Variants in MAF observed in about 807,000 individuals in gnomAD.
The protein encoded by MAF is MAF bZIP transcription factor, also known as transcription factor Maf.
A neutral mutation model predicts 22.0 loss-of-function variants in MAF; 10 were observed. The ratio of observed to expected loss-of-function variants is 0.45; its 90% CI spans 0.28 to 0.77. MAF has a LOEUF of 0.77. MAF is among the 30% of genes least tolerant of loss of function. The pLI, the probability that MAF is intolerant of heterozygous loss-of-function variation, is 0.12. For synonymous variants in MAF, 337 were observed against 255.8 expected, an observed-to-expected ratio of 1.32 and a Z score of -3.03; for missense variants, 544 against 548.4, an observed-to-expected ratio of 0.99 and a Z score of 0.08.
the MAF span, among the ~76,000 whole-genome samples, chr16:79,538,681 G>A: frequency 6.6e-6 from 1 of 151,918 alleles, no homozygotes; most frequent in Non-Finnish European, 1.5e-5. Context: ...GAAATCACCT[G>A]GGAACATGGT....
chr16:79,427,037 A>C, the MAF span, among the ~76,000 whole-genome samples: 2 of 152,208 alleles, frequency 1.3e-5, no homozygotes, highest in Non-Finnish European at 2.9e-5. Context: ...GCCAAATTGA[A>C]CCATATCTCC....
At chr16:79,448,898 T>G in the MAF span, among the ~76,000 whole-genome samples, 2 of 152,070 alleles carry the variant, frequency 1.3e-5, no homozygotes, top group South Asian at 2.1e-4. Flanking sequence ...CAGGGATGGT[T>G]TGGGGATGCT....
At chr16:79,550,959 G>A in the MAF span, among the ~76,000 whole-genome samples, 8 of 152,116 alleles carry the variant, frequency 5.3e-5, no homozygotes, top group Admixed American at 1.3e-4. Context: ...CCATAGCCAG[G>A]ACCGTGGTTC....
chr16:79,587,941 T>A (rs1912953736), intron 1 of MAF, among the ~76,000 whole-genome samples: 1 of 151,772 alleles, frequency 6.6e-6, no homozygotes, highest in Non-Finnish European at 1.5e-5. Flanking sequence ...TGTGTTCATA[T>A]TACCTTCTTT....
intron 1 of MAF, 175 bp downstream of exon 1, chr16:79,598,610 G>GTGT (rs1555529702): frequency 2.1e-6 from 3 of 1,412,958 alleles, no homozygotes; most frequent in Non-Finnish European, 2.8e-6. Context: ...GTGTGTGTGT[G>GTGT]GTGTGTGCGT....
the MAF span, among the ~76,000 whole-genome samples, chr16:79,302,337 C>G: frequency 6.6e-6 from 1 of 152,190 alleles, no homozygotes; most frequent in Non-Finnish European, 1.5e-5. Context: ...TGCTCTGTCC[C>G]CCACTTGGAG....
the MAF span, among the ~76,000 whole-genome samples, chr16:79,368,887 G>A: frequency 6.6e-6 from 1 of 152,052 alleles, no homozygotes; most frequent in East Asian, 1.9e-4. Flanking sequence ...CTGACTTTCT[G>A]TCTCTTTCTC....
chr16:79,453,665 G>T, the MAF span, among the ~76,000 whole-genome samples: 1 of 152,154 alleles, frequency 6.6e-6, no homozygotes, highest in Non-Finnish European at 1.5e-5. Flanking sequence ...TTTTCTTGCA[G>T]GAAGGATTTC....
At chr16:79,423,779 G>A in the MAF span, among the ~76,000 whole-genome samples, 13 of 152,272 alleles carry the variant, frequency 8.5e-5, no homozygotes, top group East Asian at 1.9e-3. Context: ...ACTGTATTGA[G>A]TTTGAATTTC....
At chr16:79,275,374 T>C in the MAF span, among the ~76,000 whole-genome samples, 4 of 152,196 alleles carry the variant, frequency 2.6e-5, no homozygotes, top group Non-Finnish European at 2.9e-5. Flanking sequence ...GTTAACTATT[T>C]ATTGAGAAGT....
At chr16:79,490,700 A>T in the MAF span, among the ~76,000 whole-genome samples, 55 of 152,358 alleles carry the variant, frequency 3.6e-4, no homozygotes, top group Non-Finnish European at 7.2e-4. Context: ...AAAGTGGTAC[A>T]TAGTACTTTC....
the MAF span, among the ~76,000 whole-genome samples, chr16:79,472,115 C>T: frequency 6.6e-6 from 1 of 152,130 alleles, no homozygotes; most frequent in Non-Finnish European, 1.5e-5. Flanking sequence ...CATATGTAAG[C>T]ATCTAGATCA....
chr16:79,402,723 C>A, the MAF span, among the ~76,000 whole-genome samples: 1 of 152,232 alleles, frequency 6.6e-6, no homozygotes, highest in Non-Finnish European at 1.5e-5. Context: ...CCATGACTGG[C>A]ACCAGACCAA....
At chr16:79,586,255 C>G (rs1433597374) in intron 1 of MAF, among the ~76,000 whole-genome samples, 1 of 152,168 alleles carries the variant, frequency 6.6e-6, no homozygotes, top group Non-Finnish European at 1.5e-5. Flanking sequence ...GTCCTGAGTT[C>G]AAAGGGAGCC....
At chr16:79,557,942 A>C in the MAF span, among the ~76,000 whole-genome samples, 1 of 151,032 alleles carries the variant, frequency 6.6e-6, no homozygotes, top group Non-Finnish European at 1.5e-5. Flanking sequence ...ATTTAAGCCA[A>C]GGCCTGATGG....
chr16:79,527,279 T>C, the MAF span, among the ~76,000 whole-genome samples: 2 of 152,220 alleles, frequency 1.3e-5, no homozygotes, highest in African/African-American at 2.4e-5. Flanking sequence ...ATCTCCTTCA[T>C]TGTCTCCAAA....
At chr16:79,217,473 C>G in the MAF span, among the ~76,000 whole-genome samples, 10 of 152,220 alleles carry the variant, frequency 6.6e-5, no homozygotes, top group African/African-American at 2.4e-4. Flanking sequence ...CCTTACAAAT[C>G]ATTTTTGTAC....
At chr16:79,349,789 GA>G in the MAF span, among the ~76,000 whole-genome samples, 2 of 152,192 alleles carry the variant, frequency 1.3e-5, no homozygotes, top group African/African-American at 4.8e-5. Flanking sequence ...TAGCTAGATT[GA>G]AAACCTAACT....
intron 1 of MAF, chr16:79,596,680 A>G: frequency 9.6e-7 from 1 of 1,037,588 alleles, no homozygotes; most frequent in Non-Finnish European, 1.2e-6. Context: ...TTTACTTTTC[A>G]TTTCTTTTTA....
Sources: gnomAD v4.1 joint callset for allele counts (sites outside exome capture counted in the v4.1 genomes callset) on GRCh38, gnomAD v4.1.1 for gene constraint, MANE v1.5 for transcripts, NCBI Gene and HGNC (gene_info 2026-07-23, HGNC 2026-07-21) for gene names.